UHRF2: variants seen among roughly 807,000 people sequenced by gnomAD.
UHRF2 encodes E3 ubiquitin-protein ligase UHRF2.
UHRF2 carries 23 observed loss-of-function variants against 96.8 expected under a neutral mutation model. The observed-to-expected ratio is 0.24, with a 90% CI of 0.17 to 0.34. The LOEUF (loss-of-function observed/expected upper bound fraction) is 0.34, where lower values mean the gene tolerates loss of function less well. UHRF2 is among the 10% of genes least tolerant of loss of function. The pLI is 1.00. For synonymous variants in UHRF2, 385 were observed against 332.6 expected (o/e 1.16, Z -1.72); for missense variants, 685 against 981.5 (o/e 0.70, Z 4.04).
rs902511091 is a variant in UHRF2, at chr9:6,413,312, C to A, written c.-179C>A. The A allele has an allele frequency of 1.7e-5, 7 of 408,678 alleles. No individual in the cohort carries two copies. The highest frequency in any genetic ancestry group is 2.5e-5 in the Non-Finnish European group (7 of 277,202). 25.3% of individuals were successfully genotyped at this position (408,678 alleles called of 1,614,324 possible). ...TCTCTCCTCAAGTCGGCTAGTCGGGCGCGCGCGCTGAGAGTCGTCGCCGCC... is the reference window on the plus strand; with the variant it reads ...TCTCTCCTCAAGTCGGCTAGTCGGGAGCGCGCGCTGAGAGTCGTCGCCGCC... On this transcript the variant is annotated 5_prime_UTR_variant, in exon 1 of 16. Coordinates refer to ENST00000276893, the MANE Select transcript of UHRF2 (RefSeq NM_152896.3).
chr9:6,506,006 A>C (rs1380278184), intron 15 of UHRF2, 27 bp from the exon 16 acceptor site: 2 of 1,613,196 alleles, frequency 1.2e-6, no homozygotes, highest in East Asian at 2.2e-5. Flanking sequence ...GCTCAGATTA[A>C]ATTGGATGTT....
intron 1 of UHRF2, 189 bp downstream of exon 1, chr9:6,413,832 G>A (rs1819430939): frequency 3.1e-6 from 2 of 646,966 alleles, no homozygotes; most frequent in African/African-American, 1.9e-5. Flanking sequence ...GTGGGTCCCT[G>A]CCAGCCCCAA....
At chr9:6,500,865 A>G (rs1816255568) in intron 14 of UHRF2, among the ~76,000 whole-genome samples, 156 bp downstream of exon 14, 1 of 152,236 alleles carries the variant, frequency 6.6e-6, no homozygotes, top group African/African-American at 2.4e-5. Flanking sequence ...ATCTGAGGCA[A>G]CACATATACA....
At chr9:6,499,004 A>G (rs1825121669) in intron 12 of UHRF2, 1 of 152,224 alleles carries the variant, frequency 6.6e-6, no homozygotes, top group Admixed American at 6.5e-5. Flanking sequence ...TGTTGAAAAT[A>G]AGGCCATCAA....
intron 3 of UHRF2, among the ~76,000 whole-genome samples, chr9:6,442,249 C>T (rs561836835): frequency 4.5e-4 from 68 of 152,304 alleles, no homozygotes; most frequent in Non-Finnish European, 2.9e-5. Flanking sequence ...CAGGTGTGAG[C>T]CACCACCTCC....
At chr9:6,483,463 T>C (rs564682024) in intron 8 of UHRF2, among the ~76,000 whole-genome samples, 47 of 152,292 alleles carry the variant, frequency 3.1e-4, no homozygotes, top group Middle Eastern at 6.8e-3. Context: ...ATGTAAATAG[T>C]TGTTAACACT....
At chr9:6,497,993 C>T (rs753483250) in intron 11 of UHRF2, 25 bp from the exon 12 acceptor site, 1 of 1,608,556 alleles carries the variant, frequency 6.2e-7, no homozygotes, top group Admixed American at 1.7e-5. Flanking sequence ...AAATCTCAAA[C>T]TGGCACTGAA....
intron 2 of UHRF2, among the ~76,000 whole-genome samples, chr9:6,424,098 G>A (rs1820098752): frequency 6.8e-6 from 1 of 148,062 alleles, no homozygotes; most frequent in South Asian, 2.3e-4. Flanking sequence ...CTTTCTGGAA[G>A]TACTAGATAA....
rs889740477 is a variant in UHRF2, at chr9:6,413,272, G to A, written c.-219G>A. ...AGGCGGTGTCTGCGGCAGCGCCTCA[G>A]AGTGGTTCCGGTCGTCTCTCCTCAA... On this transcript the variant is annotated 5_prime_UTR_variant, in exon 1 of 16. Coordinates refer to ENST00000276893, the MANE Select transcript of UHRF2 (RefSeq NM_152896.3). The A allele has an allele frequency of 1.4e-5, 3 of 220,660 alleles. No individual in the cohort carries two copies. Among genetic ancestry groups the A allele is most frequent in the African/African-American group, 7.0e-5 (3 of 43,154 alleles). The allele number at this position is 220,660 out of a possible 1,614,324, so 13.7% of individuals were successfully genotyped here. A position where few individuals can be genotyped will look rare whatever the true frequency, so the allele number is the denominator to read the frequency against.
chr9:6,448,260 A>G (rs970854524), intron 3 of UHRF2, among the ~76,000 whole-genome samples: 1 of 152,258 alleles, frequency 6.6e-6, no homozygotes, highest in Non-Finnish European at 1.5e-5. Flanking sequence ...GTAACAACCA[A>G]AAAGAGCAAC....
intron 4 of UHRF2, among the ~76,000 whole-genome samples, chr9:6,473,907 A>G (rs534811170): frequency 3.3e-5 from 5 of 152,356 alleles, no homozygotes; most frequent in South Asian, 2.1e-4. Flanking sequence ...TGGGAATGCA[A>G]ATATCAAAAA....
rs982345200 is a variant in UHRF2, at chr9:6,413,242, C to G, written c.-249C>G. ...CGGCGCAGACATGGCCTCTTCCTAT[C>G]TTTGAGGCGGTGTCTGCGGCAGCGC... On this transcript the variant is annotated 5_prime_UTR_variant, in exon 1 of 16. The change creates a new upstream start codon in the 5' untranslated region. Transcript: ENST00000276893. 5.4e-6 allele frequency: 1 copy of G among 185,312 alleles called. No individual in the cohort carries two copies. Among genetic ancestry groups the G allele is most frequent in the Non-Finnish European group, 1.1e-5 (1 of 90,634 alleles). 11.5% of individuals were successfully genotyped at this position (185,312 alleles called of 1,614,324 possible).
chr9:6,497,382 C>G (rs1173374980), intron 11 of UHRF2, 22 bp downstream of exon 11: 1 of 1,607,934 alleles, frequency 6.2e-7, no homozygotes, highest in East Asian at 2.2e-5. Context: ...GGCATGACAT[C>G]TTGTTTGTCA....
intron 4 of UHRF2, among the ~76,000 whole-genome samples, chr9:6,472,339 G>A (rs1293493200): frequency 6.6e-6 from 1 of 152,214 alleles, no homozygotes; most frequent in African/African-American, 2.4e-5. Flanking sequence ...TCTGTATGAA[G>A]TTAGAAGAGA....
intron 4 of UHRF2, among the ~76,000 whole-genome samples, chr9:6,469,086 C>T (rs1823056521): frequency 6.6e-6 from 1 of 152,138 alleles, no homozygotes; most frequent in Admixed American, 6.5e-5. Context: ...TTCAAGTTAT[C>T]AGAGAAACTT....
In UHRF2 at chr9:6,506,753, G is replaced by A. The variant is rs1402371298; in HGVS notation, c.*574G>A. 1.3e-5 allele frequency: 2 copies of A among 152,716 alleles called. No individual in the cohort carries two copies. The highest frequency in any genetic ancestry group is 4.8e-5 in the African/African-American group (2 of 41,440). The allele number at this position is 152,716 out of a possible 1,614,324, so 9.5% of individuals were successfully genotyped here. ...TGCTTTTTTCTGGTGTTTTATGCAAGTTGACTACTAATGACTAATGAGAAC... is the reference window on the plus strand; with the variant it reads ...TGCTTTTTTCTGGTGTTTTATGCAAATTGACTACTAATGACTAATGAGAAC... On this transcript the variant is annotated 3_prime_UTR_variant, in exon 16 of 16. Transcript: ENST00000276893.
chr9:6,469,307 C>T lies in UHRF2; in HGVS notation c.864-6084C>T, dbSNP rs567077276. Among the ~76,000 whole-genome samples, 9 of 152,186 alleles carry T rather than the reference C, an allele frequency of 5.9e-5. No individual in the cohort carries two copies. In the South Asian group the frequency reaches 1.9e-3, roughly 32 times the overall value. On this transcript the variant is annotated intron_variant, in intron 4 of 15. Transcript: ENST00000276893. Reference sequence around the variant, plus strand: ...GGCCGAGGCAGGTGGATCATGAGGTCAGGAGATCAAGACTATCCTGGCCAA... The same window carrying T: ...GGCCGAGGCAGGTGGATCATGAGGTTAGGAGATCAAGACTATCCTGGCCAA...
At chr9:6,484,007 T>C (rs1258120055) in intron 8 of UHRF2, among the ~76,000 whole-genome samples, 1 of 152,048 alleles carries the variant, frequency 6.6e-6, no homozygotes, top group African/African-American at 2.4e-5. Flanking sequence ...ATTTTCTGTT[T>C]CTCAGAGGCA....
chr9:6,487,630 G>C (rs1824386568), intron 9 of UHRF2, among the ~76,000 whole-genome samples: 2 of 152,128 alleles, frequency 1.3e-5, no homozygotes, highest in Admixed American at 1.3e-4. Context: ...GCCTCCCAAA[G>C]TGTTGGGATT....
Sources: gnomAD v4.1 joint callset for allele counts (sites outside exome capture counted in the v4.1 genomes callset) on GRCh38, gnomAD v4.1.1 for gene constraint, MANE v1.5 for transcripts, NCBI Gene and HGNC (gene_info 2026-07-23, HGNC 2026-07-21) for gene names.